FGF12: variants seen among roughly 807,000 people sequenced by gnomAD.
FGF12 encodes fibroblast growth factor 12B.
A neutral mutation model predicts 23.6 loss-of-function variants in FGF12; 14 were observed. The ratio of observed to expected loss-of-function variants is 0.59; its 90% CI spans 0.39 to 0.93. The LOEUF is 0.93. FGF12 is among the 40% of genes least tolerant of loss of function. FGF12 has a pLI of 0.00. For synonymous variants in FGF12, 62 were observed against 77.3 expected, an observed-to-expected ratio of 0.80 and a Z score of 1.04; for missense variants, 175 against 217.8, an observed-to-expected ratio of 0.80 and a Z score of 1.24.
At chr3:192,456,783 C>A (rs1722694923) in intron 2 of FGF12, among the ~76,000 whole-genome samples, 1 of 152,160 alleles carries the variant, frequency 6.6e-6, no homozygotes, top group Admixed American at 6.6e-5. Context: ...TTCAACCATA[C>A]TGCAGTGAAT....
rs147872959 is a variant in FGF12 at position 192,419,499 on chromosome 3, T to C, written c.14-58961A>G. ...CCATGGAATAGATTACATCGCAAAA[T>C]GAGGAAGTGGTTTTCCCACCATCAG... On this transcript the variant is annotated intron_variant, in intron 2 of 5. Transcript: ENST00000445105. 2.9e-3 allele frequency among the ~76,000 whole-genome samples: 435 copies of C among 152,104 alleles called. 13 individuals are homozygous for C. Among genetic ancestry groups the C allele is most frequent in the Admixed American group, 0.025 (380 of 15,272 alleles).
chr3:192,253,464 GA>G lies in FGF12; in HGVS notation c.228+81896del, dbSNP rs367962100. 4.0e-4 allele frequency among the ~76,000 whole-genome samples: 61 copies of G among 151,704 alleles called. 1 individual carries two copies. Among genetic ancestry groups the G allele is most frequent in the African/African-American group, 1.4e-3 (60 of 41,444 alleles). Reference sequence around the variant, plus strand: ...GGGAAGAACAAAAGTAAGAAAGAATGAAAAAAATGGAAAGAGAAAAGAAATT... The same window carrying G: ...GGGAAGAACAAAAGTAAGAAAGAATGAAAAAATGGAAAGAGAAAAGAAATT... On this transcript the variant is annotated intron_variant, in intron 4 of 5. Coordinates refer to ENST00000445105, the MANE Select transcript of FGF12 (RefSeq NM_004113.6).
Position 192,140,631 on chromosome 3 carries a change from G to A in FGF12, c.*3378C>T, listed in dbSNP as rs1326746055. On this transcript the variant is annotated 3_prime_UTR_variant, in exon 6 of 6. Transcript: ENST00000445105. ...GTGGCACCGCAGGACTACCAATCTA[G>A]ATATTAGATTGTTGCTATTTTATTA... 1.3e-5 allele frequency: 2 copies of A among 151,930 alleles called. No homozygotes were observed. The highest frequency in any genetic ancestry group is 2.9e-5 in the Non-Finnish European group (2 of 67,884). 9.4% of individuals were successfully genotyped at this position (151,930 alleles called of 1,614,324 possible).
At chr3:192,314,128 C>T (rs1345392768) in intron 4 of FGF12, among the ~76,000 whole-genome samples, 1 of 152,092 alleles carries the variant, frequency 6.6e-6, no homozygotes, top group Non-Finnish European at 1.5e-5. Flanking sequence ...CCATGCTGCC[C>T]CCCTAATCTT....
intron 2 of FGF12, among the ~76,000 whole-genome samples, chr3:192,464,755 T>C (rs1226764859): frequency 1.3e-5 from 2 of 152,152 alleles, no homozygotes; most frequent in Non-Finnish European, 1.5e-5. Context: ...ACAACTGGAT[T>C]ACAGCTTTTT....
chr3:192,520,648 T>C (rs1460399587), intron 2 of FGF12, among the ~76,000 whole-genome samples: 2 of 152,094 alleles, frequency 1.3e-5, no homozygotes, highest in Admixed American at 6.5e-5. Flanking sequence ...ACTTAAATTA[T>C]TTTTTTTATT....
chr3:192,396,564 C>T (rs1475666260), intron 2 of FGF12, among the ~76,000 whole-genome samples: 1 of 152,176 alleles, frequency 6.6e-6, no homozygotes, highest in South Asian at 2.1e-4. Context: ...AGTCTTATTT[C>T]TTTCTTCCAT....
At chr3:192,599,516 C>A (rs1238823231) in intron 2 of FGF12, among the ~76,000 whole-genome samples, 2 of 151,982 alleles carry the variant, frequency 1.3e-5, no homozygotes, top group African/African-American at 4.8e-5. Flanking sequence ...CAGTGCCTGG[C>A]ATCTATAAGA....
chr3:192,356,706 G>A (rs961756812), intron 3 of FGF12, among the ~76,000 whole-genome samples: 6 of 152,184 alleles, frequency 3.9e-5, no homozygotes, highest in Non-Finnish European at 7.3e-5. Context: ...ACCTAATGAT[G>A]TCTAGTGAAC....
At position 192,408,167 on chromosome 3, in the gene FGF12, G is replaced by A. The variant is rs1320811654; in HGVS notation, c.14-47629C>T. Reference sequence around the variant, plus strand: ...TGGAGGCCGACACTCGGTCGCTGTTGGACTCCCTCGCCTGCCGCTTCTGCC... The same window carrying A: ...TGGAGGCCGACACTCGGTCGCTGTTAGACTCCCTCGCCTGCCGCTTCTGCC... On this transcript the variant is annotated intron_variant, in intron 2 of 5. Transcript: ENST00000445105. This position sits in a 1 kb window ranked among gnomAD's most constrained non-coding sequence, Gnocchi z 7.3. The A allele has an allele frequency of 1.2e-6, 2 of 1,610,122 alleles. No homozygotes were observed. Among genetic ancestry groups the A allele is most frequent in the Non-Finnish European group, 8.5e-7 (1 of 1,179,854 alleles).
At chr3:192,507,047 A>G (rs1724328914) in intron 2 of FGF12, among the ~76,000 whole-genome samples, 1 of 151,520 alleles carries the variant, frequency 6.6e-6, no homozygotes, top group African/African-American at 2.4e-5. Context: ...GCCTGCCACC[A>G]CGCCCGGCTA....
At chr3:192,227,751 C>CA (rs1718815160) in intron 4 of FGF12, among the ~76,000 whole-genome samples, 1 of 152,074 alleles carries the variant, frequency 6.6e-6, no homozygotes, top group Non-Finnish European at 1.5e-5. Flanking sequence ...AAACGCAGGT[C>CA]AATTACTTCT....
intron 4 of FGF12, among the ~76,000 whole-genome samples, chr3:192,199,257 T>C (rs76824103): frequency 0.01 from 1,524 of 152,298 alleles, 19 homozygotes; most frequent in Non-Finnish European, 0.013. Flanking sequence ...TAAAACAGAA[T>C]GCTAACAAAA....
At chr3:192,365,948 C>T (rs533277248) in intron 2 of FGF12, among the ~76,000 whole-genome samples, 1 of 145,460 alleles carries the variant, frequency 6.9e-6, no homozygotes, top group South Asian at 2.2e-4. Flanking sequence ...TGGAAAGGAT[C>T]GACACTTTAC....
At chr3:192,657,938 C>T (rs1411980676) in intron 2 of FGF12, among the ~76,000 whole-genome samples, 4 of 151,252 alleles carry the variant, frequency 2.6e-5, no homozygotes, top group African/African-American at 9.7e-5. Context: ...TTACTCTGGG[C>T]TAAACTATAT....
At chr3:192,243,554 G>C (rs1370963469) in intron 4 of FGF12, among the ~76,000 whole-genome samples, 1 of 148,772 alleles carries the variant, frequency 6.7e-6, no homozygotes, top group African/African-American at 2.5e-5. Flanking sequence ...AAAAACTCAA[G>C]TAAATTCCCT....
At chr3:192,261,575 G>C (rs527321075) in intron 4 of FGF12, among the ~76,000 whole-genome samples, 1 of 152,316 alleles carries the variant, frequency 6.6e-6, no homozygotes, top group Admixed American at 6.5e-5. Flanking sequence ...GAGCTGTGGA[G>C]ATGTCATGGC....
chr3:192,449,123 T>C (rs1426811436), intron 2 of FGF12, among the ~76,000 whole-genome samples: 1 of 152,224 alleles, frequency 6.6e-6, no homozygotes, highest in Non-Finnish European at 1.5e-5. Context: ...TATCAATTTA[T>C]TGTGTCTCAG....
chr3:192,273,969 T>G (rs1307300796), intron 4 of FGF12, among the ~76,000 whole-genome samples: 2 of 151,792 alleles, frequency 1.3e-5, no homozygotes, highest in African/African-American at 4.8e-5. Context: ...TCGTAATGAC[T>G]GATCACCATC....
Sources: gnomAD v4.1 joint callset for allele counts (sites outside exome capture counted in the v4.1 genomes callset) on GRCh38, gnomAD v4.1.1 for gene constraint, Gnocchi (gnomAD v3.1) non-coding constraint, MANE v1.5 for transcripts, NCBI Gene and HGNC (gene_info 2026-07-23, HGNC 2026-07-21) for gene names.